The following RASGRF1 variants were observed in gnomAD, a reference collection of about 807,000 sequenced individuals.
RASGRF1 encodes the protein ras-specific guanine nucleotide-releasing factor 1.
In RASGRF1, 40 loss-of-function variants were observed where a neutral mutation model predicts 138.7. That is an observed-to-expected ratio of 0.29 (90% CI 0.22 to 0.38). RASGRF1 has a LOEUF of 0.38. Among genes scored for constraint, RASGRF1 ranks in the 10% least tolerant of loss-of-function variants. The pLI is 1.00. For synonymous variants in RASGRF1, 614 were observed against 663.2 expected (o/e 0.93, Z 1.14); for missense variants, 1,108 against 1,650.4 (o/e 0.67, Z 5.69).
intron 20 of RASGRF1, among the ~76,000 whole-genome samples, chr15:78,993,199 TATGTG>T: frequency 8.8e-6 from 1 of 113,360 alleles, no homozygotes; most frequent in Non-Finnish European, 2.0e-5. Flanking sequence ...GTGGCGTGTG[TATGTG>T]GTGTGTGTGC....
chr15:78,961,364 C>T lies in RASGRF1; in HGVS notation c.*780G>A, dbSNP rs2141576883. ...AAAAGTGACATTTTTGTGTTCCCGA[C>T]TTTCAGTGGATGCTGGGCCAGTGGT... On this transcript the variant is annotated 3_prime_UTR_variant, in exon 27 of 27. Coordinates refer to ENST00000558480, the MANE Select transcript of RASGRF1 (RefSeq NM_001145648.3). 6.6e-6 allele frequency: 1 copy of T among 152,338 alleles called. No homozygotes were observed. The highest frequency in any genetic ancestry group is 2.1e-4 in the South Asian group (1 of 4,832). 9.4% of individuals were successfully genotyped at this position (152,338 alleles called of 1,614,324 possible).
At chr15:78,997,888 T>C (rs988454920) in intron 19 of RASGRF1, 25 of 577,840 alleles carry the variant, frequency 4.3e-5, no homozygotes, top group African/African-American at 4.2e-4. Flanking sequence ...TGGCGCAGGG[T>C]GGGGAGAGAG....
chr15:79,028,607 C>T (rs1012248897), intron 8 of RASGRF1, among the ~76,000 whole-genome samples: 74 of 152,138 alleles, frequency 4.9e-4, no homozygotes, highest in Middle Eastern at 3.4e-3. Context: ...TGTTAGCTGC[C>T]AATTTTGCCT....
chr15:78,996,644 G>A (rs1220642520), intron 19 of RASGRF1, among the ~76,000 whole-genome samples: 3 of 152,182 alleles, frequency 2.0e-5, no homozygotes, highest in African/African-American at 4.8e-5. Flanking sequence ...GCTCCCCTCC[G>A]AGGGTGGCTT....
intron 13 of RASGRF1, among the ~76,000 whole-genome samples, chr15:79,013,047 T>C (rs746851391): frequency 1.3e-5 from 2 of 152,214 alleles, no homozygotes; most frequent in African/African-American, 4.8e-5. Context: ...TCACTAAACA[T>C]ATAATGGTAA....
chr15:79,013,662 A>C (rs2056833814), intron 13 of RASGRF1, among the ~76,000 whole-genome samples: 1 of 152,218 alleles, frequency 6.6e-6, no homozygotes, highest in Admixed American at 6.5e-5. Flanking sequence ...GCAGGCTCAG[A>C]ATTCAGAGGT....
intron 1 of RASGRF1, among the ~76,000 whole-genome samples, chr15:79,083,902 A>G (rs1256858739): frequency 6.6e-6 from 1 of 152,218 alleles, no homozygotes; most frequent in Admixed American, 6.5e-5. Context: ...TGCTCAATAA[A>G]TGGTATTTAT....
intron 5 of RASGRF1, among the ~76,000 whole-genome samples, 182 bp from the exon 6 acceptor site, chr15:79,035,392 A>G (rs984639051): frequency 7.9e-5 from 12 of 152,230 alleles, no homozygotes; most frequent in African/African-American, 2.7e-4. Flanking sequence ...GTGCTAAATG[A>G]GAATGCAGGC....
In RASGRF1 at chr15:79,014,923, ACAAAAAAC is replaced by A. The variant is rs1450752708; in HGVS notation, c.1826+396_1826+403del. Among the ~76,000 whole-genome samples the A allele has an allele frequency of 1.0e-3, 99 of 94,554 alleles. 2 individuals are homozygous for A. The highest frequency in any genetic ancestry group is 1.0e-2 in the Admixed American group (71 of 7,106). The allele number at this position is 94,554 out of a possible 152,430, so 62.0% of individuals were successfully genotyped here. A position where few individuals can be genotyped will look rare whatever the true frequency, so the allele number is the denominator to read the frequency against. On this transcript the variant is annotated intron_variant, in intron 13 of 26. Coordinates refer to ENST00000558480, the MANE Select transcript of RASGRF1 (RefSeq NM_001145648.3). ...CAGAGCAAGACTTGGTCTCAAAAAAACAAAAAACAAAAAACAAAAAACAAAAAACAAAC... is the reference window on the plus strand; with the variant it reads ...CAGAGCAAGACTTGGTCTCAAAAAAAAAAAAACAAAAAACAAAAAACAAAC...
intron 26 of RASGRF1, among the ~76,000 whole-genome samples, chr15:78,968,279 T>TGTGTGTGTGTGTG (rs1567417630): frequency 6.6e-5 from 10 of 151,078 alleles, no homozygotes; most frequent in South Asian, 2.1e-4. Flanking sequence ...TGTGTGTGTG[T>TGTGTGTGTGTGTG]TTTATTTTTA....
intron 2 of RASGRF1, among the ~76,000 whole-genome samples, chr15:79,060,000 AC>A (rs2057581095): frequency 9.9e-6 from 1 of 101,152 alleles, no homozygotes; most frequent in African/African-American, 3.8e-5. Context: ...AGACACACAC[AC>A]ACACACACAC....
At chr15:79,013,729 G>A (rs924971187) in intron 13 of RASGRF1, among the ~76,000 whole-genome samples, 1 of 152,144 alleles carries the variant, frequency 6.6e-6, no homozygotes, top group African/African-American at 2.4e-5. Context: ...AGGAGTGTGT[G>A]GTGAGGGGGT....
intron 6 of RASGRF1, among the ~76,000 whole-genome samples, chr15:79,034,027 AC>A (rs1247620969): frequency 6.6e-6 from 1 of 152,180 alleles, no homozygotes; most frequent in African/African-American, 2.4e-5. Flanking sequence ...GAATATGCGG[AC>A]CCCATCTTTC....
In RASGRF1 at chr15:79,074,581, C is replaced by T. The variant is rs534499376; in HGVS notation, c.277-10055G>A. On this transcript the variant is annotated intron_variant, in intron 1 of 26. Transcript: ENST00000558480. ...GGTGCCATGGGCTGTGTAGAAAGAC[C>T]CTTATCGTGAGCCTCACTAGCCTGC... is the stretch of plus-strand genomic sequence containing the variant. Among the ~76,000 whole-genome samples the T allele has an allele frequency of 3.6e-4, 55 of 152,294 alleles. No homozygotes were observed. The South Asian group carries it at 0.011, about 30-fold the overall frequency.
At chr15:78,963,977 G>A (rs905588214) in intron 26 of RASGRF1, among the ~76,000 whole-genome samples, 14 of 151,908 alleles carry the variant, frequency 9.2e-5, no homozygotes, top group African/African-American at 3.1e-4. Context: ...AGTTTCCTCC[G>A]TAGTGAGCAT....
chr15:79,090,509 G>A lies in RASGRF1; in HGVS notation c.-11C>T, dbSNP rs2058041473. The A allele has an allele frequency of 6.2e-7, 1 of 1,608,084 alleles. No individual in the cohort carries two copies. The highest frequency in any genetic ancestry group is 8.5e-7 in the Non-Finnish European group (1 of 1,178,208). ...GATCCCCTTCTGCATGGTGCTCAGAGGCCAGCGAGACCCCACGCGCTTACA... is the reference window on the plus strand; with the variant it reads ...GATCCCCTTCTGCATGGTGCTCAGAAGCCAGCGAGACCCCACGCGCTTACA... On this transcript the variant is annotated 5_prime_UTR_variant, in exon 1 of 27. Coordinates refer to ENST00000558480, the MANE Select transcript of RASGRF1 (RefSeq NM_001145648.3).
intron 24 of RASGRF1, chr15:78,979,217 A>C: frequency 8.0e-7 from 1 of 1,242,776 alleles, no homozygotes; most frequent in Middle Eastern, 2.2e-4. Context: ...CTGAGGACAC[A>C]AACAAAGTGG....
chr15:79,046,856 C>T lies in RASGRF1; in HGVS notation c.768G>A (p.Val256=), dbSNP rs2141025001. The change falls in exon 5 of 27, where the codon GTG becomes GTA. Residue 256 remains valine, a synonymous_variant. Transcript: ENST00000558480. This position sits in a 1 kb window ranked among gnomAD's most constrained non-coding sequence, Gnocchi z 5.3. ...FSMLEAEAEY[V]QQLHILVNNF... ...TGTTGACAAGGATGTGCAGCTGCTG[C>T]ACGTACTCAGCCTCAGCCTCCAGCA... 1.9e-6 allele frequency: 3 copies of T among 1,614,266 alleles called. No homozygotes were observed. Among genetic ancestry groups the T allele is most frequent in the Non-Finnish European group, 2.5e-6 (3 of 1,180,042 alleles).
chr15:78,993,007 G>A (rs1722414597), intron 20 of RASGRF1, among the ~76,000 whole-genome samples: 1 of 151,970 alleles, frequency 6.6e-6, no homozygotes, highest in Non-Finnish European at 1.5e-5. Flanking sequence ...GCCTCTGTGT[G>A]TGTGCCATGT....
Sources: allele counts gnomAD v4.1 joint callset (sites outside exome capture counted in the v4.1 genomes callset), GRCh38; gene constraint gnomAD v4.1.1; non-coding constraint Gnocchi (gnomAD v3.1); transcripts MANE v1.5; gene names NCBI Gene and HGNC (gene_info 2026-07-23, HGNC 2026-07-21).